Variants in ZBTB16 observed in about 807,000 individuals in gnomAD.
ZBTB16 encodes the protein zinc finger and BTB domain containing 16.
A neutral mutation model predicts 56.8 loss-of-function variants in ZBTB16; 8 were observed. The observed-to-expected ratio is 0.14, with a 90% CI of 0.08 to 0.25. The LOEUF (loss-of-function observed/expected upper bound fraction) is 0.25. Ranked by LOEUF, ZBTB16 falls within the 10% of genes least tolerant of loss-of-function variation. The pLI, the probability that ZBTB16 is intolerant of heterozygous loss-of-function variation, is 1.00. For missense variants in ZBTB16, 625 were observed against 903.0 expected (o/e 0.69, Z 3.95); for synonymous variants, 363 against 368.5 (o/e 0.98, Z 0.17).
At chr11:114,183,102 G>GA (rs3837422) in intron 3 of ZBTB16, among the ~76,000 whole-genome samples, 22,477 of 151,914 alleles carry the variant, frequency 0.15, 1,855 homozygotes, top group African/African-American at 0.23. Context: ...CTGGAGAGCT[G>GA]GGGGGGAAGT....
chr11:114,169,614 G>C (rs1291196933), intron 3 of ZBTB16, among the ~76,000 whole-genome samples: 9 of 152,198 alleles, frequency 5.9e-5, no homozygotes, highest in African/African-American at 2.2e-4. Context: ...GGACAGAGGG[G>C]TTGAAGCCAG....
chr11:114,246,544 A>G (rs1167238584), intron 5 of ZBTB16, among the ~76,000 whole-genome samples: 1 of 152,216 alleles, frequency 6.6e-6, no homozygotes, highest in East Asian at 1.9e-4. Context: ...CACTAATAAC[A>G]GAACAAAATT....
At position 114,146,299 on chromosome 11, in the gene ZBTB16, T is replaced by A. The variant is rs80265523; in HGVS notation, c.1269-10038T>A. Among the ~76,000 whole-genome samples the A allele has an allele frequency of 6.3e-3, 965 of 152,290 alleles. 9 individuals carry two copies. Among genetic ancestry groups the A allele is most frequent in the Non-Finnish European group, 9.4e-3 (637 of 68,018 alleles). On this transcript the variant is annotated intron_variant, in intron 2 of 6. Coordinates refer to ENST00000335953, the MANE Select transcript of ZBTB16 (RefSeq NM_006006.6). ...AGGAATGCTCTCGGTGACTCCTTTT[T>A]AGCTGCTGGTTTTCCTGCCCCTTTC...
chr11:114,166,201 CGTGT>C (rs3057730), intron 3 of ZBTB16, among the ~76,000 whole-genome samples: 19,892 of 133,888 alleles, frequency 0.15, 1,429 homozygotes, highest in Non-Finnish European at 0.18. Flanking sequence ...GACTGGTCTA[CGTGT>C]GTGTGTGTGT....
chr11:114,152,728 C>T (rs527490664), intron 2 of ZBTB16, among the ~76,000 whole-genome samples: 1 of 152,178 alleles, frequency 6.6e-6, no homozygotes, highest in Non-Finnish European at 1.5e-5. Flanking sequence ...AGCTTCTTCT[C>T]AGAGAAGAGT....
intron 4 of ZBTB16, among the ~76,000 whole-genome samples, chr11:114,210,453 A>C (rs948214553): frequency 6.6e-6 from 1 of 152,182 alleles, no homozygotes; most frequent in East Asian, 1.9e-4. Context: ...ATCCCCGTTC[A>C]GTGGGCGGGA....
chr11:114,126,218 C>CT (rs1445740049), intron 2 of ZBTB16, among the ~76,000 whole-genome samples: 1 of 152,204 alleles, frequency 6.6e-6, no homozygotes, highest in African/African-American at 2.4e-5. Flanking sequence ...ATGCTTTTGT[C>CT]TAATGCCAGC....
intron 4 of ZBTB16, chr11:114,209,263 C>A: frequency 2.0e-6 from 1 of 507,864 alleles, no homozygotes; most frequent in Non-Finnish European, 2.5e-6. Context: ...ATTTTGTGTG[C>A]TGGAGAAGGA....
Position 114,063,495 on chromosome 11 carries a change from C to A in ZBTB16, c.195C>A (p.Arg65=), listed in dbSNP as rs1938966459. ...TSKMFEILFH[R]NSQHYTLDFL... is the part of the protein sequence containing the mutation. ...AGATGTTTGAGATCCTCTTCCACCG[C>A]AATAGTCAACACTATACTTTGGACT... Residue 65 remains arginine (R), a synonymous_variant, in exon 2 of 7, where the codon CGC becomes CGA. Transcript: ENST00000335953. This position sits in a 1 kb window ranked among gnomAD's most constrained non-coding sequence, Gnocchi z 6.5. 4 of 1,614,098 alleles carry A rather than the reference C, an allele frequency of 2.5e-6. No individual in the cohort carries two copies. Among genetic ancestry groups the A allele is most frequent in the Non-Finnish European group, 3.4e-6 (4 of 1,180,056 alleles).
chr11:114,069,087 G>T (rs1939233104), intron 2 of ZBTB16, among the ~76,000 whole-genome samples: 1 of 152,040 alleles, frequency 6.6e-6, no homozygotes, highest in Non-Finnish European at 1.5e-5. Flanking sequence ...CTCTTGCCTG[G>T]TTCCTTTTTG....
At chr11:114,070,148 T>C (rs539617847) in intron 2 of ZBTB16, among the ~76,000 whole-genome samples, 21 of 133,254 alleles carry the variant, frequency 1.6e-4, no homozygotes, top group Non-Finnish European at 2.6e-4. Context: ...GTCGCCCAGG[T>C]CGGACTGCGG....
At chr11:114,160,243 T>C (rs1343013809) in intron 3 of ZBTB16, among the ~76,000 whole-genome samples, 2 of 152,140 alleles carry the variant, frequency 1.3e-5, no homozygotes, top group Non-Finnish European at 2.9e-5. Flanking sequence ...AAGTTTGTCA[T>C]CATACACCAT....
At chr11:114,107,670 A>G (rs921926217) in intron 2 of ZBTB16, among the ~76,000 whole-genome samples, 3 of 152,112 alleles carry the variant, frequency 2.0e-5, no homozygotes, top group Admixed American at 6.5e-5. Context: ...CTTTTTCTCA[A>G]TGTGTGATGT....
At chr11:114,213,360 T>G (rs1944033924) in intron 4 of ZBTB16, among the ~76,000 whole-genome samples, 2 of 152,138 alleles carry the variant, frequency 1.3e-5, no homozygotes, top group African/African-American at 4.8e-5. Context: ...ACCTCCTCAT[T>G]TAAAAAATGC....
rs777525879 is a variant in ZBTB16, at chr11:114,255,054, G to C, written c.*4499G>C. Reference sequence around the variant, plus strand: ...ATAGTGTTATGCATGATCTTCGTAAGGTTAAGAAGCCGTGGTGGTGCACCA... The same window carrying C: ...ATAGTGTTATGCATGATCTTCGTAACGTTAAGAAGCCGTGGTGGTGCACCA... On this transcript the variant is annotated 3_prime_UTR_variant, in exon 7 of 7. Transcript: ENST00000335953. 3.9e-5 allele frequency among the ~76,000 whole-genome samples: 6 copies of C among 152,166 alleles called. No individual in the cohort carries two copies. Among genetic ancestry groups the C allele is most frequent in the Non-Finnish European group, 8.8e-5 (6 of 68,038 alleles).
chr11:114,244,431 T>C (rs1460290014), intron 5 of ZBTB16, among the ~76,000 whole-genome samples: 1 of 152,134 alleles, frequency 6.6e-6, no homozygotes, highest in African/African-American at 2.4e-5. Context: ...TCGTTTGTCC[T>C]GCACTTAATG....
At chr11:114,121,819 G>A (rs1399210170) in intron 2 of ZBTB16, 5 of 455,748 alleles carry the variant, frequency 1.1e-5, no homozygotes, top group Non-Finnish European at 2.2e-5. Context: ...TCAATGCAGG[G>A]TCTTCTAGCA....
intron 2 of ZBTB16, among the ~76,000 whole-genome samples, chr11:114,078,574 C>T (rs577358428): frequency 1.3e-5 from 2 of 152,142 alleles, no homozygotes; most frequent in African/African-American, 2.4e-5. Context: ...GTAATGTTTG[C>T]GGATCGCAGA....
chr11:114,254,313 G>A lies in ZBTB16; in HGVS notation c.*3758G>A, dbSNP rs901380170. Among the ~76,000 whole-genome samples, 1 of 152,106 alleles carries A rather than the reference G, an allele frequency of 6.6e-6. No homozygotes were observed. The highest frequency in any genetic ancestry group is 6.5e-5 in the Admixed American group (1 of 15,278). On this transcript the variant is annotated 3_prime_UTR_variant, in exon 7 of 7. Coordinates refer to ENST00000335953, the MANE Select transcript of ZBTB16 (RefSeq NM_006006.6). ...GTGCAGGGGTAGGTAGGGAGGCTGG[G>A]GGACCCAGTGATTCAGTACAATCCA... is the stretch of plus-strand genomic sequence containing the variant.
Sources: allele counts gnomAD v4.1 joint callset (sites outside exome capture counted in the v4.1 genomes callset), GRCh38; gene constraint gnomAD v4.1.1; non-coding constraint Gnocchi (gnomAD v3.1); transcripts MANE v1.5; gene names NCBI Gene and HGNC (gene_info 2026-07-23, HGNC 2026-07-21).